The following RHEB variants were observed in gnomAD, a reference collection of about 807,000 sequenced individuals.
The protein encoded by RHEB is Ras homolog, mTORC1 binding, also known as GTP-binding protein Rheb.
In RHEB, 2 loss-of-function variants were observed where a neutral mutation model predicts 28.8. The ratio of observed to expected loss-of-function variants is 0.07; its 90% confidence interval spans 0.03 to 0.22. The LOEUF is 0.22. Ranked by LOEUF, RHEB falls within the 10% of genes least tolerant of loss-of-function variation. The pLI, the probability that RHEB is intolerant of heterozygous loss-of-function variation, is 1.00. For missense variants in RHEB, 76 were observed against 219.9 expected (o/e 0.35, Z 4.14); for synonymous variants, 69 against 77.3 (o/e 0.89, Z 0.56).
intron 3 of RHEB, among the ~76,000 whole-genome samples, chr7:151,483,539 C>T (rs1802414778): frequency 6.6e-6 from 1 of 152,188 alleles, no homozygotes; most frequent in African/African-American, 2.4e-5. Context: ...GCCAATATGG[C>T]GAAACCCCGC....
chr7:151,494,496 T>C (rs932829310), intron 1 of RHEB, among the ~76,000 whole-genome samples: 13 of 152,258 alleles, frequency 8.5e-5, no homozygotes, highest in African/African-American at 3.1e-4. Flanking sequence ...GGGCATACAC[T>C]ATTTGACAGG....
intron 1 of RHEB, chr7:151,503,069 G>A (rs545857165): frequency 2.1e-5 from 17 of 797,140 alleles, no homozygotes; most frequent in East Asian, 1.2e-4. Flanking sequence ...CTGTTTTGGC[G>A]TTGAAGATAC....
chr7:151,478,005 G>C (rs1802301293), intron 3 of RHEB, among the ~76,000 whole-genome samples: 1 of 151,692 alleles, frequency 6.6e-6, no homozygotes, highest in South Asian at 2.1e-4. Flanking sequence ...GAGGTATTCA[G>C]ACTTTTGGGG....
chr7:151,467,587 G>C (rs558092487), intron 7 of RHEB, among the ~76,000 whole-genome samples: 10 of 151,970 alleles, frequency 6.6e-5, no homozygotes, highest in African/African-American at 9.7e-5. Flanking sequence ...CCTTTCCTAC[G>C]GGACATACTC....
chr7:151,478,658 G>T (rs917550856), intron 3 of RHEB, among the ~76,000 whole-genome samples: 1 of 151,564 alleles, frequency 6.6e-6, no homozygotes, highest in Non-Finnish European at 1.5e-5. Context: ...TTTTTGAGAC[G>T]TAGTTTCCCT....
chr7:151,500,791 C>T (rs1802759669), intron 1 of RHEB, among the ~76,000 whole-genome samples: 1 of 152,124 alleles, frequency 6.6e-6, no homozygotes. Context: ...TAAGACCTGC[C>T]TGGGTCACAT....
chr7:151,511,739 C>T (rs1195689796), intron 1 of RHEB, among the ~76,000 whole-genome samples: 1 of 151,784 alleles, frequency 6.6e-6, no homozygotes, highest in Non-Finnish European at 1.5e-5. Flanking sequence ...CCTCCCCCTT[C>T]GGGTTCAAGT....
At chr7:151,467,624 C>T (rs1483790052) in intron 7 of RHEB, among the ~76,000 whole-genome samples, 1 of 152,162 alleles carries the variant, frequency 6.6e-6, no homozygotes, top group Non-Finnish European at 1.5e-5. Context: ...CTCTCACATC[C>T]TTGACACTAA....
chr7:151,492,336 C>A (rs757802392), intron 1 of RHEB, among the ~76,000 whole-genome samples: 1 of 152,008 alleles, frequency 6.6e-6, no homozygotes, highest in Admixed American at 6.6e-5. Context: ...GGTTGCTGGC[C>A]GGGTGTGGTG....
At chr7:151,487,310 A>G (rs1038939897) in intron 2 of RHEB, among the ~76,000 whole-genome samples, 18 of 152,208 alleles carry the variant, frequency 1.2e-4, no homozygotes, top group Non-Finnish European at 2.4e-4. Context: ...CATGTAGAAT[A>G]AAATAAATTA....
intron 1 of RHEB, chr7:151,502,832 C>T: frequency 9.0e-7 from 1 of 1,114,118 alleles, no homozygotes; most frequent in Non-Finnish European, 1.4e-6. Flanking sequence ...TGTGGCTGGT[C>T]TAGTTTTAGC....
chr7:151,503,527 G>A (rs1802810415), intron 1 of RHEB: 2 of 704,292 alleles, frequency 2.8e-6, no homozygotes, highest in African/African-American at 3.5e-5. Flanking sequence ...ACCCATGGTG[G>A]AATTCTAACA....
intron 1 of RHEB, among the ~76,000 whole-genome samples, chr7:151,506,467 A>G (rs1177043654): frequency 6.6e-6 from 1 of 152,186 alleles, no homozygotes; most frequent in Non-Finnish European, 1.5e-5. Flanking sequence ...TACCTATCCT[A>G]TAACGTGCTT....
At position 151,466,959 on chromosome 7, in the gene RHEB, C is replaced by T. The variant is rs1802074467; in HGVS notation, c.*160G>A. On this transcript the variant is annotated 3_prime_UTR_variant, in exon 8 of 8. Coordinates refer to ENST00000262187, the MANE Select transcript of RHEB (RefSeq NM_005614.4). ...ATGGAAGTGAACTCATTTGGACAGA[C>T]TCAGAGTTAACATAATCTGAAGGGA... 5.1e-6 allele frequency: 3 copies of T among 588,760 alleles called. No homozygotes were observed. The highest frequency in any genetic ancestry group is 9.3e-6 in the Non-Finnish European group (3 of 323,224). 36.5% of individuals were successfully genotyped at this position (588,760 alleles called of 1,614,324 possible). A position where few individuals can be genotyped will look rare whatever the true frequency, so the allele number is the denominator to read the frequency against.
At chr7:151,471,760 A>G (rs1802165720) in intron 4 of RHEB, 155 bp from the exon 5 acceptor site, 3 of 603,210 alleles carry the variant, frequency 5.0e-6, no homozygotes, top group South Asian at 4.6e-5. Flanking sequence ...TTTCCTAGCA[A>G]TCCATTCACA....
chr7:151,519,408 C>T, intron 1 of RHEB, 52 bp downstream of exon 1: 1 of 1,316,536 alleles, frequency 7.6e-7, no homozygotes, highest in Non-Finnish European at 9.8e-7. Context: ...GACCCGGCTC[C>T]CAGGCGAGGC....
intron 4 of RHEB, 75 bp from the exon 5 acceptor site, chr7:151,471,680 G>T (rs1315445716): frequency 2.1e-6 from 2 of 942,090 alleles, no homozygotes; most frequent in Non-Finnish European, 3.3e-6. Flanking sequence ...GTTGCCAGCT[G>T]GAAAAATGTA....
chr7:151,476,673 C>A (rs1373340723), intron 4 of RHEB, among the ~76,000 whole-genome samples: 1 of 152,190 alleles, frequency 6.6e-6, no homozygotes, highest in African/African-American at 2.4e-5. Flanking sequence ...TGCTACGTAG[C>A]CACCAAACGC....
chr7:151,478,354 C>A, intron 3 of RHEB, among the ~76,000 whole-genome samples: 1 of 146,744 alleles, frequency 6.8e-6, no homozygotes, highest in Admixed American at 6.8e-5. Context: ...TATGACAGCC[C>A]AGAATTACTG....
Sources: allele counts gnomAD v4.1 joint callset (sites outside exome capture counted in the v4.1 genomes callset), GRCh38; gene constraint gnomAD v4.1.1; transcripts MANE v1.5; gene names NCBI Gene and HGNC (gene_info 2026-07-23, HGNC 2026-07-21).